Variants in CENPP observed in about 807,000 individuals in gnomAD.
CENPP encodes the protein centromere protein P.
CENPP carries 24 observed loss-of-function variants against 35.6 expected under a neutral mutation model. The observed-to-expected ratio is 0.67, with a 90% CI of 0.49 to 0.95. CENPP has a LOEUF of 0.95. Among genes scored for constraint, CENPP ranks in the 40% least tolerant of loss-of-function variants. The pLI is 0.00. For missense variants in CENPP, 332 were observed against 345.3 expected, an observed-to-expected ratio of 0.96 and a Z score of 0.31; for synonymous variants, 120 against 125.5, an observed-to-expected ratio of 0.96 and a Z score of 0.29.
chr9:92,592,029 T>G (rs1027712603), intron 5 of CENPP, among the ~76,000 whole-genome samples: 33 of 151,906 alleles, frequency 2.2e-4, no homozygotes, highest in African/African-American at 8.0e-4. Context: ...ATTGTGCACA[T>G]GTACCCTAAA....
In CENPP at chr9:92,389,937, G is replaced by A. The variant is rs1463369229; in HGVS notation, c.564+10078G>A. 3.1e-6 allele frequency: 5 copies of A among 1,612,930 alleles called. No individual in the cohort carries two copies. The highest frequency in any genetic ancestry group is 1.7e-5 in the Admixed American group (1 of 59,970). On this transcript the variant is annotated intron_variant, in intron 5 of 7. Transcript: ENST00000375587. ...AAAGTGAGCTTGGGAGGAAGAACTG[G>A]AAGTTTTAGTAGTTGATTTTCAGCA...
At chr9:92,367,646 T>A (rs1488387784) in intron 4 of CENPP, among the ~76,000 whole-genome samples, 2 of 152,102 alleles carry the variant, frequency 1.3e-5, no homozygotes, top group African/African-American at 4.8e-5. Context: ...AGATGGAGTT[T>A]CACTCTTGTT....
chr9:92,418,814 C>G (rs796667803), intron 5 of CENPP, among the ~76,000 whole-genome samples: 9 of 152,238 alleles, frequency 5.9e-5, no homozygotes, highest in African/African-American at 2.2e-4. Flanking sequence ...ATCAAATTTT[C>G]CTCATGAAAC....
At chr9:92,557,951 G>A (rs1564002350) in intron 5 of CENPP, among the ~76,000 whole-genome samples, 2 of 151,986 alleles carry the variant, frequency 1.3e-5, no homozygotes, top group African/African-American at 2.4e-5. Context: ...CCTGCATTTC[G>A]CATTTCTAAA....
chr9:92,417,284 T>A (rs773981822), intron 5 of CENPP: 2 of 1,613,980 alleles, frequency 1.2e-6, no homozygotes, highest in Non-Finnish European at 1.7e-6. Flanking sequence ...TTGCTGAATG[T>A]GCATCGGAAT....
chr9:92,377,979 G>T (rs971856405), intron 4 of CENPP, among the ~76,000 whole-genome samples: 1 of 152,054 alleles, frequency 6.6e-6, no homozygotes, highest in Non-Finnish European at 1.5e-5. Flanking sequence ...TCTCTTCTTG[G>T]GATGACTTAA....
intron 5 of CENPP, among the ~76,000 whole-genome samples, chr9:92,498,004 A>G (rs1846454444): frequency 6.6e-6 from 1 of 152,058 alleles, no homozygotes; most frequent in African/African-American, 2.4e-5. Context: ...CCCTCACCAG[A>G]TGCAGATGCC....
chr9:92,406,131 G>A (rs1042501147), intron 5 of CENPP, among the ~76,000 whole-genome samples: 4 of 152,184 alleles, frequency 2.6e-5, no homozygotes, highest in African/African-American at 7.2e-5. Context: ...GTAAGCGCAG[G>A]TGATGAGGTA....
intron 5 of CENPP, among the ~76,000 whole-genome samples, chr9:92,421,288 C>T (rs111897024): frequency 5.9e-5 from 9 of 152,216 alleles, no homozygotes; most frequent in Non-Finnish European, 8.8e-5. Flanking sequence ...AGTCTGCCCC[C>T]CTCAGCCTCC....
chr9:92,612,955 G>T, intron 7 of CENPP, 64 bp from the exon 8 acceptor site: 3 of 1,602,464 alleles, frequency 1.9e-6, no homozygotes, highest in Non-Finnish European at 2.6e-6. Flanking sequence ...CATGCCAGCA[G>T]AAAACAAAAG....
intron 5 of CENPP, chr9:92,514,991 C>T (rs767423082): frequency 1.2e-6 from 2 of 1,614,144 alleles, no homozygotes; most frequent in Admixed American, 1.7e-5. Flanking sequence ...TTTCTAGATT[C>T]AGGGGTCTCT....
chr9:92,482,277 T>A (rs1046509860), intron 5 of CENPP: 1 of 152,198 alleles, frequency 6.6e-6, no homozygotes, highest in African/African-American at 2.4e-5. Context: ...ACTTGTAAGA[T>A]AGACATGAAA....
At chr9:92,567,636 TA>T (rs1850028037) in intron 5 of CENPP, among the ~76,000 whole-genome samples, 1 of 152,054 alleles carries the variant, frequency 6.6e-6, no homozygotes, top group Non-Finnish European at 1.5e-5. Context: ...GCTTTCTACA[TA>T]ATTTAAGAAA....
At chr9:92,568,454 A>G (rs1850052501) in intron 5 of CENPP, among the ~76,000 whole-genome samples, 1 of 152,146 alleles carries the variant, frequency 6.6e-6, no homozygotes, top group Non-Finnish European at 1.5e-5. Context: ...CATGGTGTAT[A>G]TGTGCCACAT....
At chr9:92,460,616 ATTG>A in intron 5 of CENPP, 1 of 1,146,838 alleles carries the variant, frequency 8.7e-7, no homozygotes, top group Non-Finnish European at 1.3e-6. Context: ...ACTAAGCCCA[ATTG>A]ACTATTTGTT....
chr9:92,488,473 C>T (rs932977788), intron 5 of CENPP, among the ~76,000 whole-genome samples: 1 of 152,056 alleles, frequency 6.6e-6, no homozygotes, highest in Admixed American at 6.6e-5. Flanking sequence ...TGATACATGC[C>T]AAGTGTTTTT....
intron 5 of CENPP, chr9:92,460,424 C>T: frequency 1.8e-6 from 2 of 1,125,292 alleles, no homozygotes; most frequent in Non-Finnish European, 2.7e-6. Context: ...GGTCCCTGTG[C>T]ACATTCTCCA....
chr9:92,448,675 C>A (rs1844616635), intron 5 of CENPP, among the ~76,000 whole-genome samples: 1 of 151,924 alleles, frequency 6.6e-6, no homozygotes, highest in South Asian at 2.1e-4. Flanking sequence ...ATTGGAAGGT[C>A]CAGGTGAAGC....
At chr9:92,536,367 A>T (rs528399934) in intron 5 of CENPP, among the ~76,000 whole-genome samples, 1 of 152,306 alleles carries the variant, frequency 6.6e-6, no homozygotes, top group East Asian at 1.9e-4. Context: ...GCTTTATCAG[A>T]TTATAGGGAT....
Sources: gnomAD v4.1 joint callset for allele counts (sites outside exome capture counted in the v4.1 genomes callset) on GRCh38, gnomAD v4.1.1 for gene constraint, MANE v1.5 for transcripts, NCBI Gene and HGNC (gene_info 2026-07-23, HGNC 2026-07-21) for gene names.